The following TNFRSF19 variants were observed in gnomAD, a reference collection of about 807,000 sequenced individuals.
TNFRSF19 encodes the protein tumor necrosis factor receptor superfamily member 19.
Under a neutral mutation model 46.4 loss-of-function variants are expected in TNFRSF19, and 27 were observed. That is an observed-to-expected ratio of 0.58 (90% CI 0.43 to 0.80). TNFRSF19 has a LOEUF of 0.80. Among genes scored for constraint, TNFRSF19 ranks in the 30% least tolerant of loss-of-function variants. The probability of loss-of-function intolerance (pLI) is 0.00; values close to 1 mark genes in which losing one functional copy is unlikely to be tolerated. For synonymous variants in TNFRSF19, 204 were observed against 205.0 expected (o/e 1.00, Z 0.04); for missense variants, 511 against 530.8 (o/e 0.96, Z 0.37).
chr13:23,577,883 G>C (rs1878072812), intron 1 of TNFRSF19, among the ~76,000 whole-genome samples: 1 of 152,162 alleles, frequency 6.6e-6, no homozygotes, highest in East Asian at 1.9e-4. Context: ...CCTGACAGTA[G>C]CAGTGATGAA....
chr13:23,604,234 A>G (rs1344595617), intron 3 of TNFRSF19, among the ~76,000 whole-genome samples: 1 of 150,944 alleles, frequency 6.6e-6, no homozygotes, highest in Non-Finnish European at 1.5e-5. Context: ...TTTGAAATTA[A>G]AAACACAATA....
At chr13:23,572,541 A>T (rs2138125141) in intron 1 of TNFRSF19, among the ~76,000 whole-genome samples, 1 of 152,342 alleles carries the variant, frequency 6.6e-6, no homozygotes, top group Middle Eastern at 3.4e-3. Context: ...GGATCATTTT[A>T]ACAAATACAG....
chr13:23,660,615 A>G, intron 7 of TNFRSF19, 125 bp downstream of exon 7: 1 of 1,115,572 alleles, frequency 9.0e-7, no homozygotes, highest in Non-Finnish European at 1.2e-6. Flanking sequence ...GGTTAAAACT[A>G]ATCTTGTTAA....
At chr13:23,654,559 G>A (rs932823231) in intron 5 of TNFRSF19, among the ~76,000 whole-genome samples, 1 of 152,200 alleles carries the variant, frequency 6.6e-6, no homozygotes, top group African/African-American at 2.4e-5. Flanking sequence ...AGTCTGGAAA[G>A]CCCTGTGACT....
At chr13:23,610,069 T>C (rs1448686500) in intron 3 of TNFRSF19, among the ~76,000 whole-genome samples, 1 of 152,240 alleles carries the variant, frequency 6.6e-6, no homozygotes, top group Non-Finnish European at 1.5e-5. Flanking sequence ...TGCCCTAGAT[T>C]CTCCCTTCAA....
At chr13:23,614,054 T>C (rs1324286704) in intron 3 of TNFRSF19, among the ~76,000 whole-genome samples, 1 of 152,202 alleles carries the variant, frequency 6.6e-6, no homozygotes, top group Non-Finnish European at 1.5e-5. Context: ...TTTAAAGAAA[T>C]TCTAACTTGT....
intron 3 of TNFRSF19, among the ~76,000 whole-genome samples, chr13:23,601,494 A>G (rs1196259308): frequency 6.6e-6 from 1 of 152,224 alleles, no homozygotes; most frequent in Non-Finnish European, 1.5e-5. Context: ...AGTTCTTTAG[A>G]CAGAAGGAAA....
intron 1 of TNFRSF19, among the ~76,000 whole-genome samples, chr13:23,581,187 G>GCGCTCTGCGCACTGCAAGCTCC (rs1308916307): frequency 6.6e-6 from 1 of 150,536 alleles, no homozygotes; most frequent in African/African-American, 2.5e-5. Context: ...GAGTGCAGTG[G>GCGCTCTGCGCACTGCAAGCTCC]CGCTCTGCGC....
chr13:23,660,411 G>C lies in TNFRSF19; in HGVS notation c.657G>C (p.Ser219=). The change falls in exon 7 of 10, where the codon TCG becomes TCC. Residue 219 remains serine (S), a synonymous_variant. Coordinates refer to ENST00000248484, the MANE Select transcript of TNFRSF19 (RefSeq NM_148957.4). ...TTCAGTACAACGGCTCTGAGCTGTC[G>C]TGTTTTGACAGACCTCAGCTCCACG... ...QDIQYNGSEL[S]CFDRPQLHEY... 1 of 1,613,934 alleles carries C rather than the reference G, an allele frequency of 6.2e-7. No homozygotes were observed. Among genetic ancestry groups the C allele is most frequent in the Non-Finnish European group, 8.5e-7 (1 of 1,180,020 alleles).
At chr13:23,587,310 C>T (rs1371528686) in intron 1 of TNFRSF19, among the ~76,000 whole-genome samples, 1 of 152,112 alleles carries the variant, frequency 6.6e-6, no homozygotes, top group Admixed American at 6.6e-5. Flanking sequence ...TAAGGAATTT[C>T]ATTCCACTCC....
At chr13:23,664,087 A>T (rs1048055775) in intron 7 of TNFRSF19, among the ~76,000 whole-genome samples, 6 of 151,812 alleles carry the variant, frequency 4.0e-5, no homozygotes, top group Admixed American at 2.6e-4. Context: ...TTTCTGTTGT[A>T]ATGTTAGGTT....
At chr13:23,602,529 G>C (rs534811882) in intron 3 of TNFRSF19, among the ~76,000 whole-genome samples, 1 of 152,220 alleles carries the variant, frequency 6.6e-6, no homozygotes, top group South Asian at 2.1e-4. Context: ...GACACCTATA[G>C]ACAACTTCAT....
At chr13:23,634,994 G>A (rs538899211) in intron 5 of TNFRSF19, among the ~76,000 whole-genome samples, 1 of 152,106 alleles carries the variant, frequency 6.6e-6, no homozygotes, top group East Asian at 1.9e-4. Flanking sequence ...AAAGGTACCA[G>A]GCATTTCATC....
chr13:23,624,527 A>C (rs561674162), intron 4 of TNFRSF19, among the ~76,000 whole-genome samples: 1 of 152,210 alleles, frequency 6.6e-6, no homozygotes, highest in South Asian at 2.1e-4. Context: ...TTCTACCATA[A>C]ATTATACAGA....
At chr13:23,640,831 A>G (rs1882997245) in intron 5 of TNFRSF19, among the ~76,000 whole-genome samples, 1 of 152,210 alleles carries the variant, frequency 6.6e-6, no homozygotes, top group South Asian at 2.1e-4. Flanking sequence ...GTCCAAGGAA[A>G]TACAGGTTTC....
At chr13:23,591,806 A>T (rs1037389343) in intron 2 of TNFRSF19, among the ~76,000 whole-genome samples, 6 of 150,410 alleles carry the variant, frequency 4.0e-5, no homozygotes, top group Non-Finnish European at 8.9e-5. Flanking sequence ...GCTCACTGCA[A>T]CCTCCGCTTC....
At chr13:23,572,731 TA>T (rs1353144706) in intron 1 of TNFRSF19, among the ~76,000 whole-genome samples, 1 of 152,224 alleles carries the variant, frequency 6.6e-6, no homozygotes, top group Non-Finnish European at 1.5e-5. Flanking sequence ...TATTTGATTT[TA>T]AAATAAAGAT....
chr13:23,649,605 GT>G (rs950374612), intron 5 of TNFRSF19, among the ~76,000 whole-genome samples: 3 of 150,750 alleles, frequency 2.0e-5, no homozygotes, highest in South Asian at 2.1e-4. Context: ...GCTTAGTTTG[GT>G]TTTTTTTCCC....
In TNFRSF19 at chr13:23,626,782, C is replaced by T. The variant is rs772491427; in HGVS notation, c.435C>T (p.Tyr145=). 22 of 1,614,010 alleles carry T rather than the reference C, an allele frequency of 1.4e-5. No individual in the cohort carries two copies. The highest frequency in any genetic ancestry group is 9.3e-5 in the African/African-American group (7 of 74,910). Residue 145 remains tyrosine, a synonymous_variant, in exon 5 of 10, where the codon TAC becomes TAT. Transcript: ENST00000248484. ...CTTGTGGAGACCCTCCTCCTCCTTA[C>T]GAACCGCACTGTGAGTGAACGCAAC... is the stretch of plus-strand genomic sequence containing the variant. ...CVPCGDPPPP[Y]EPHCASKVNL... is the part of the protein sequence containing the mutation.
Sources: allele counts gnomAD v4.1 joint callset (sites outside exome capture counted in the v4.1 genomes callset), GRCh38; gene constraint gnomAD v4.1.1; transcripts MANE v1.5; gene names NCBI Gene and HGNC (gene_info 2026-07-23, HGNC 2026-07-21).